The following LPP variants were observed in gnomAD, a reference collection of about 807,000 sequenced individuals.
LPP encodes the protein lipoma-preferred partner.
A neutral mutation model predicts 60.4 loss-of-function variants in LPP; 38 were observed. The observed-to-expected ratio is 0.63, with a 90% CI of 0.49 to 0.83. The LOEUF (loss-of-function observed/expected upper bound fraction) is 0.83. LPP is among the 40% of genes least tolerant of loss of function. LPP has a pLI of 0.00. For missense variants in LPP, 902 were observed against 783.6 expected (o/e 1.15, Z -1.80); for synonymous variants, 328 against 290.8 (o/e 1.13, Z -1.30).
intron 4 of LPP, among the ~76,000 whole-genome samples, chr3:188,408,190 GA>G (rs1303310283): frequency 6.6e-6 from 1 of 152,142 alleles, no homozygotes; most frequent in East Asian, 1.9e-4. Flanking sequence ...TCTCTAATCT[GA>G]ACAGAATACA....
chr3:188,522,777 AATATGAAATAT>A (rs1299134788), intron 5 of LPP, among the ~76,000 whole-genome samples: 2 of 121,582 alleles, frequency 1.6e-5, no homozygotes, highest in Non-Finnish European at 1.7e-5. Flanking sequence ...ATAATGTGAT[AATATGAAATAT>A]ATATATATAT....
At chr3:188,259,614 G>A (rs1732870248) in intron 2 of LPP, among the ~76,000 whole-genome samples, 1 of 152,230 alleles carries the variant, frequency 6.6e-6, no homozygotes, top group Admixed American at 6.5e-5. Context: ...TCTGCAGGGT[G>A]GGGCAGCCTC....
intron 4 of LPP, among the ~76,000 whole-genome samples, chr3:188,416,971 A>G (rs955723220): frequency 6.6e-6 from 1 of 152,138 alleles, no homozygotes; most frequent in Non-Finnish European, 1.5e-5. Context: ...CCATATAAAG[A>G]AATCATACCC....
intron 3 of LPP, among the ~76,000 whole-genome samples, chr3:188,347,530 T>C (rs930524764): frequency 6.6e-6 from 1 of 152,208 alleles, no homozygotes; most frequent in Non-Finnish European, 1.5e-5. Context: ...CTGATCATAC[T>C]GAGTTTTCAC....
intron 7 of LPP, among the ~76,000 whole-genome samples, chr3:188,697,247 G>A (rs966757413): frequency 3.9e-5 from 6 of 152,236 alleles, no homozygotes; most frequent in Middle Eastern, 3.4e-3. Context: ...AGCCAGAACC[G>A]CTCTGACTCA....
At chr3:188,551,033 C>G (rs111374487) in intron 6 of LPP, among the ~76,000 whole-genome samples, 2,510 of 152,220 alleles carry the variant, frequency 0.016, 63 homozygotes, top group African/African-American at 0.057. Flanking sequence ...AGTGCCCAAA[C>G]TATTAACTCA....
At chr3:188,769,323 T>G (rs1234153929) in intron 9 of LPP, among the ~76,000 whole-genome samples, 1 of 152,196 alleles carries the variant, frequency 6.6e-6, no homozygotes, top group Non-Finnish European at 1.5e-5. Flanking sequence ...TACACTCTCC[T>G]TTGCTAGTGG....
chr3:188,458,796 T>C (rs537841880), intron 4 of LPP, among the ~76,000 whole-genome samples: 78 of 11,154 alleles, frequency 7.0e-3, no homozygotes, highest in African/African-American at 0.018. Context: ...AGTATGGGAA[T>C]GGCTACTGTT....
At chr3:188,371,009 C>A (rs1772892780) in intron 3 of LPP, among the ~76,000 whole-genome samples, 1 of 152,062 alleles carries the variant, frequency 6.6e-6, no homozygotes. Context: ...AAGAGTCACA[C>A]CCACGGAAAT....
chr3:188,268,652 A>G (rs1363430597), intron 2 of LPP, among the ~76,000 whole-genome samples: 1 of 152,176 alleles, frequency 6.6e-6, no homozygotes, highest in Non-Finnish European at 1.5e-5. Flanking sequence ...GGCTAAACGT[A>G]ATTTAACAAG....
At chr3:188,792,102 T>A (rs184696565) in intron 9 of LPP, among the ~76,000 whole-genome samples, 69 of 152,320 alleles carry the variant, frequency 4.5e-4, no homozygotes, top group Non-Finnish European at 7.6e-4. Context: ...GCCATCCTCC[T>A]GGTTCTGTTC....
At chr3:188,781,329 T>C (rs369918014) in intron 9 of LPP, among the ~76,000 whole-genome samples, 1 of 152,340 alleles carries the variant, frequency 6.6e-6, no homozygotes, top group East Asian at 1.9e-4. Context: ...CTATGGACAG[T>C]ACTTTTGTCA....
At chr3:188,314,718 G>A (rs1228259970) in intron 2 of LPP, among the ~76,000 whole-genome samples, 2 of 152,100 alleles carry the variant, frequency 1.3e-5, no homozygotes, top group Non-Finnish European at 2.9e-5. Context: ...CTACTCGGGA[G>A]GCTGAGGCAG....
At chr3:188,343,877 C>G (rs573934226) in intron 3 of LPP, among the ~76,000 whole-genome samples, 12 of 152,256 alleles carry the variant, frequency 7.9e-5, no homozygotes, top group Admixed American at 5.9e-4. Context: ...GAAAGAATAA[C>G]AGTTTCAATA....
intron 6 of LPP, among the ~76,000 whole-genome samples, chr3:188,589,515 G>T (rs1374536972): frequency 2.0e-5 from 3 of 152,180 alleles, no homozygotes; most frequent in African/African-American, 7.2e-5. Context: ...TGATTTTCCT[G>T]TCATGCTCAT....
At position 188,869,446 on chromosome 3, in the gene LPP, A is replaced by C. The variant is rs185741153; in HGVS notation, c.1589+3068A>C. Among the ~76,000 whole-genome samples the C allele has an allele frequency of 3.5e-3, 533 of 152,196 alleles. 5 individuals are homozygous for C. Among genetic ancestry groups the C allele is most frequent in the African/African-American group, 0.012 (502 of 41,534 alleles). The stretch of plus-strand genomic sequence containing the variant: ...GCTTGGATTACGGGCACCCACCACC[A>C]TGCCTGGCTAATTTTTATATTTTTA... On this transcript the variant is annotated intron_variant, in intron 10 of 11. Coordinates refer to ENST00000617246, the MANE Select transcript of LPP (RefSeq NM_001375462.1).
intron 4 of LPP, among the ~76,000 whole-genome samples, chr3:188,412,187 A>G (rs894403135): frequency 1.3e-5 from 2 of 152,150 alleles, no homozygotes; most frequent in South Asian, 2.1e-4. Context: ...ACAAATTGGC[A>G]TGACATGCCA....
intron 8 of LPP, among the ~76,000 whole-genome samples, chr3:188,741,479 T>C (rs1724404138): frequency 6.6e-6 from 1 of 152,064 alleles, no homozygotes; most frequent in South Asian, 2.1e-4. Flanking sequence ...TAAAGGATTC[T>C]GTTGTACATG....
intron 6 of LPP, among the ~76,000 whole-genome samples, chr3:188,545,158 G>C (rs901713022): frequency 8.2e-6 from 1 of 121,700 alleles, no homozygotes; most frequent in Non-Finnish European, 1.7e-5. Flanking sequence ...AATGCTAGAT[G>C]ACACGTTAGT....
Sources: gnomAD v4.1 joint callset for allele counts (sites outside exome capture counted in the v4.1 genomes callset) on GRCh38, gnomAD v4.1.1 for gene constraint, MANE v1.5 for transcripts, NCBI Gene and HGNC (gene_info 2026-07-23, HGNC 2026-07-21) for gene names.